The following PHF24 variants were observed in gnomAD, a reference collection of about 807,000 sequenced individuals.
PHF24 encodes PHD finger protein 24, also known as Galpha inhibitory interacting protein.
In PHF24, 25 loss-of-function variants were observed where a neutral mutation model predicts 42.6. The observed-to-expected ratio is 0.59, with a 90% CI of 0.43 to 0.82. PHF24 has a LOEUF of 0.82. PHF24 is among the 40% of genes least tolerant of loss of function. The pLI, the probability that PHF24 is intolerant of heterozygous loss-of-function variation, is 0.00. For synonymous variants in PHF24, 185 were observed against 204.8 expected (o/e 0.90, Z 0.83); for missense variants, 470 against 538.1 (o/e 0.87, Z 1.25).
the PHF24 span, among the ~76,000 whole-genome samples, chr9:34,934,437 A>G: frequency 6.6e-6 from 1 of 152,164 alleles, no homozygotes; most frequent in Admixed American, 6.5e-5. Flanking sequence ...ACCCCATCGC[A>G]ATAAATAAAG....
At chr9:34,665,659 T>A in the PHF24 span, 48 of 699,458 alleles carry the variant, frequency 6.9e-5, no homozygotes, top group Admixed American at 6.0e-4. Flanking sequence ...ATTCCCGACA[T>A]GTCCTGGGCT....
chr9:34,897,485 C>T, the PHF24 span, among the ~76,000 whole-genome samples: 1 of 152,068 alleles, frequency 6.6e-6, no homozygotes, highest in Non-Finnish European at 1.5e-5. Context: ...TAAATGAATG[C>T]CCTTAATGGC....
At chr9:34,891,527 G>A in the PHF24 span, among the ~76,000 whole-genome samples, 1 of 152,136 alleles carries the variant, frequency 6.6e-6, no homozygotes, top group Non-Finnish European at 1.5e-5. Flanking sequence ...CATAGGTCAG[G>A]GCTGTACTGC....
At chr9:34,906,616 C>G in the PHF24 span, among the ~76,000 whole-genome samples, 1 of 146,718 alleles carries the variant, frequency 6.8e-6, no homozygotes, top group African/African-American at 2.6e-5. Flanking sequence ...TGCACTCTAG[C>G]CTGGGCAATG....
chr9:34,671,052 C>T, the PHF24 span, among the ~76,000 whole-genome samples: 2 of 152,194 alleles, frequency 1.3e-5, no homozygotes, highest in Non-Finnish European at 1.5e-5. Flanking sequence ...TCTAGGACTT[C>T]ACCTTCCTGG....
At chr9:34,908,617 C>T in the PHF24 span, among the ~76,000 whole-genome samples, 2 of 152,002 alleles carry the variant, frequency 1.3e-5, no homozygotes, top group South Asian at 4.1e-4. Flanking sequence ...ATGCATGTCT[C>T]TGGGAAAAGG....
chr9:34,764,174 C>T, the PHF24 span, among the ~76,000 whole-genome samples: 3 of 152,168 alleles, frequency 2.0e-5, no homozygotes, highest in African/African-American at 7.2e-5. Flanking sequence ...TTGGTTGTGT[C>T]TCTGCCCGGC....
the PHF24 span, among the ~76,000 whole-genome samples, chr9:34,686,203 A>T: frequency 6.6e-6 from 1 of 152,184 alleles, no homozygotes; most frequent in Non-Finnish European, 1.5e-5. Context: ...GAAATTTCCC[A>T]ATTAGGAGTC....
the PHF24 span, among the ~76,000 whole-genome samples, chr9:34,780,298 C>CTTTTTTTTTTTTTTTTTTTTTTTT: frequency 3.3e-4 from 21 of 63,904 alleles, no homozygotes; most frequent in African/African-American, 4.9e-4. Context: ...TTCTTTTTTT[C>CTTTTTTTTTTTTTTTTTTTTTTTT]TTTTTTTTTT....
At chr9:34,901,047 CT>C in the PHF24 span, among the ~76,000 whole-genome samples, 2 of 152,130 alleles carry the variant, frequency 1.3e-5, no homozygotes, top group African/African-American at 4.8e-5. Context: ...CCTGAATGGC[CT>C]TATATCCATT....
chr9:34,978,225 G>C, exon 8 of PHF24: 1 of 734,090 alleles, frequency 1.4e-6, no homozygotes, highest in Admixed American at 2.3e-5. Context: ...CACTGCCAGC[G>C]TCTTAACTTG....
chr9:34,971,621 C>A (rs1826991106), exon 2 of PHF24: 1 of 1,613,790 alleles, frequency 6.2e-7, no homozygotes, highest in African/African-American at 1.3e-5. Context: ...ATCCGCCCCA[C>A]CCGGAAGCTG....
chr9:34,910,642 T>A, the PHF24 span, among the ~76,000 whole-genome samples: 1 of 152,216 alleles, frequency 6.6e-6, no homozygotes, highest in Non-Finnish European at 1.5e-5. Context: ...TTAGGGTTTC[T>A]TTTTGTGAAC....
the PHF24 span, among the ~76,000 whole-genome samples, chr9:34,862,759 G>A: frequency 6.6e-6 from 1 of 151,662 alleles, no homozygotes; most frequent in East Asian, 2.0e-4. Flanking sequence ...CTTGAGAAAA[G>A]TAGAGGAAAA....
intron 3 of PHF24, among the ~76,000 whole-genome samples, chr9:34,973,864 C>G (rs1054495301): frequency 1.5e-4 from 23 of 152,250 alleles, no homozygotes; most frequent in African/African-American, 5.5e-4. Flanking sequence ...CTCCCTAACC[C>G]CCAGGAACAC....
At chr9:34,702,612 G>A in the PHF24 span, among the ~76,000 whole-genome samples, 10 of 152,150 alleles carry the variant, frequency 6.6e-5, no homozygotes, top group Non-Finnish European at 1.2e-4. Flanking sequence ...AAGGTCACAA[G>A]GTCATACAAT....
At chr9:34,974,865 C>T (rs1286176996) in intron 3 of PHF24, among the ~76,000 whole-genome samples, 1 of 152,140 alleles carries the variant, frequency 6.6e-6, no homozygotes, top group Non-Finnish European at 1.5e-5. Context: ...ATAGTAATAC[C>T]ATGCCCCAGT....
the PHF24 span, among the ~76,000 whole-genome samples, chr9:34,951,723 T>G: frequency 6.6e-6 from 1 of 152,208 alleles, no homozygotes; most frequent in Admixed American, 6.5e-5. Flanking sequence ...GCCACTAAGT[T>G]TGTGATAATT....
chr9:34,938,051 C>T, the PHF24 span, among the ~76,000 whole-genome samples: 3 of 152,142 alleles, frequency 2.0e-5, no homozygotes, highest in African/African-American at 4.8e-5. Context: ...GCACAGAGCC[C>T]GGGCCACAAA....
Sources: gnomAD v4.1 joint callset for allele counts (sites outside exome capture counted in the v4.1 genomes callset) on GRCh38, gnomAD v4.1.1 for gene constraint, MANE v1.5 for transcripts, NCBI Gene and HGNC (gene_info 2026-07-23, HGNC 2026-07-21) for gene names.